The following PLD5 variants were observed in gnomAD, a reference collection of about 807,000 sequenced individuals.
PLD5 encodes the protein inactive phospholipase D5.
PLD5 carries 36 observed loss-of-function variants against 61.1 expected under a neutral mutation model. That is an observed-to-expected ratio of 0.59 (90% CI 0.45 to 0.78). The LOEUF is 0.78. Among genes scored for constraint, PLD5 ranks in the 30% least tolerant of loss-of-function variants. PLD5 has a pLI of 0.00. For synonymous variants in PLD5, 243 were observed against 242.8 expected, an observed-to-expected ratio of 1.00 and a Z score of -0.01; for missense variants, 515 against 644.4, an observed-to-expected ratio of 0.80 and a Z score of 2.17.
intron 8 of PLD5, among the ~76,000 whole-genome samples, chr1:242,107,361 G>A (rs755441484): frequency 2.6e-5 from 4 of 151,988 alleles, no homozygotes; most frequent in African/African-American, 4.8e-5. Context: ...GCAGTGAGCC[G>A]GGATTGTGCT....
chr1:242,251,653 T>C (rs1672712040), intron 4 of PLD5, among the ~76,000 whole-genome samples: 1 of 151,950 alleles, frequency 6.6e-6, no homozygotes. Flanking sequence ...GGGGAACACC[T>C]GCCAGAGGGG....
At chr1:242,151,174 C>T (rs1292807467) in intron 5 of PLD5, among the ~76,000 whole-genome samples, 9 of 151,638 alleles carry the variant, frequency 5.9e-5, no homozygotes. Flanking sequence ...TTATGTTTTC[C>T]TATAGACATC....
intron 2 of PLD5, among the ~76,000 whole-genome samples, chr1:242,292,078 G>A (rs1451866514): frequency 6.6e-6 from 1 of 152,088 alleles, no homozygotes; most frequent in Non-Finnish European, 1.5e-5. Flanking sequence ...GGGATTATTT[G>A]ATGTACCTCG....
upstream of PLD5, among the ~76,000 whole-genome samples, chr1:242,525,345 T>A (rs1669417584): frequency 6.6e-6 from 1 of 152,024 alleles, no homozygotes; most frequent in Non-Finnish European, 1.5e-5. Context: ...CCTGGGAGGG[T>A]GATCCAGGGC....
chr1:242,189,340 G>A (rs1178813667), intron 5 of PLD5, among the ~76,000 whole-genome samples: 1 of 151,862 alleles, frequency 6.6e-6, no homozygotes, highest in East Asian at 1.9e-4. Flanking sequence ...CAGTTATTGG[G>A]GAGGCTGAGG....
intron 2 of PLD5, among the ~76,000 whole-genome samples, chr1:242,292,594 G>A (rs1222477889): frequency 6.6e-6 from 1 of 152,134 alleles, no homozygotes; most frequent in Non-Finnish European, 1.5e-5. Context: ...TAGAATTCAG[G>A]GGGATCTATG....
chr1:242,176,036 AT>A (rs1340640291), intron 5 of PLD5, among the ~76,000 whole-genome samples: 2 of 152,356 alleles, frequency 1.3e-5, no homozygotes, highest in East Asian at 3.9e-4. Context: ...ATTCAATGTT[AT>A]CCCCATCAAG....
At chr1:242,442,073 A>G (rs997013233) in intron 1 of PLD5, among the ~76,000 whole-genome samples, 3 of 152,174 alleles carry the variant, frequency 2.0e-5, no homozygotes, top group African/African-American at 4.8e-5. Flanking sequence ...AGCACCTCTC[A>G]TGGGAGCACA....
chr1:242,406,351 T>C (rs1305904666), intron 1 of PLD5, among the ~76,000 whole-genome samples: 1 of 152,170 alleles, frequency 6.6e-6, no homozygotes, highest in Admixed American at 6.5e-5. Context: ...ATGTCTCCAC[T>C]AAGAGAGCTA....
At chr1:242,492,599 A>G (rs1383109686) in intron 1 of PLD5, among the ~76,000 whole-genome samples, 1 of 152,106 alleles carries the variant, frequency 6.6e-6, no homozygotes, top group Non-Finnish European at 1.5e-5. Flanking sequence ...TAACAATGCC[A>G]TGTATCTGAA....
chr1:242,114,065 T>G (rs1322690883), intron 6 of PLD5, 39 bp from the exon 7 acceptor site: 1 of 1,596,004 alleles, frequency 6.3e-7, no homozygotes, highest in Admixed American at 1.7e-5. Flanking sequence ...GCGTACTAAT[T>G]TTTGGCAGCT....
At chr1:242,328,263 T>TATACAC (rs1553350997) in intron 2 of PLD5, among the ~76,000 whole-genome samples, 31 of 152,076 alleles carry the variant, frequency 2.0e-4, no homozygotes, top group African/African-American at 6.8e-4. Context: ...TATATATATA[T>TATACAC]ACACACACAT....
chr1:242,507,554 G>A (rs764249857), intron 1 of PLD5, among the ~76,000 whole-genome samples: 42 of 152,196 alleles, frequency 2.8e-4, no homozygotes, highest in Admixed American at 5.9e-4. Context: ...ACTGCCCTGA[G>A]CTATAGAATT....
intron 7 of PLD5, among the ~76,000 whole-genome samples, chr1:242,109,722 A>C (rs957165301): frequency 2.0e-5 from 3 of 151,982 alleles, no homozygotes; most frequent in Non-Finnish European, 2.9e-5. Context: ...TTTTTCAAGA[A>C]ATTTTTGTGG....
At chr1:242,211,547 G>A (rs1669821586) in intron 5 of PLD5, among the ~76,000 whole-genome samples, 1 of 152,142 alleles carries the variant, frequency 6.6e-6, no homozygotes, top group Admixed American at 6.5e-5. Context: ...GCTTGGAGGA[G>A]CTGCAAAACT....
intron 5 of PLD5, among the ~76,000 whole-genome samples, chr1:242,175,355 A>C (rs147202832): frequency 0.025 from 3,784 of 152,272 alleles, 172 homozygotes; most frequent in African/African-American, 0.087. Context: ...AAAAATCACG[A>C]TTATCTCAAT....
chr1:242,182,608 C>T lies in PLD5; in HGVS notation c.735+37380G>A, dbSNP rs577886477. Among the ~76,000 whole-genome samples the T allele has an allele frequency of 9.9e-5, 15 of 152,154 alleles. No homozygotes were observed. In the South Asian group the frequency reaches 3.1e-3, roughly 32 times the overall value. ...TTGTAATTCCAGCACTTTGGGAGGC[C>T]GAGGCAGGTGGATCACTTGAGATCA... On this transcript the variant is annotated intron_variant, in intron 5 of 9. Coordinates refer to ENST00000536534, the MANE Select transcript of PLD5 (RefSeq NM_001372062.1).
At chr1:242,262,049 G>A (rs560821758) in intron 4 of PLD5, among the ~76,000 whole-genome samples, 1,834 of 152,260 alleles carry the variant, frequency 0.012, 50 homozygotes, top group African/African-American at 0.042. Flanking sequence ...AGCATTATAT[G>A]TAATAACCCA....
intron 2 of PLD5, among the ~76,000 whole-genome samples, chr1:242,315,739 CA>C (rs1366676970): frequency 1.3e-5 from 2 of 152,154 alleles, no homozygotes; most frequent in Admixed American, 1.3e-4. Context: ...GCTGGGACTA[CA>C]GGCATATGCC....
Sources: allele counts gnomAD v4.1 joint callset (sites outside exome capture counted in the v4.1 genomes callset), GRCh38; gene constraint gnomAD v4.1.1; transcripts MANE v1.5; gene names NCBI Gene and HGNC (gene_info 2026-07-23, HGNC 2026-07-21).